LRRC4C: variants seen among roughly 807,000 people sequenced by gnomAD.
LRRC4C encodes leucine-rich repeat-containing protein 4C.
A neutral mutation model predicts 33.6 loss-of-function variants in LRRC4C; 5 were observed. The observed-to-expected ratio is 0.15, with a 90% CI of 0.08 to 0.31. The LOEUF (loss-of-function observed/expected upper bound fraction) is 0.31. Ranked by LOEUF, LRRC4C falls within the 10% of genes least tolerant of loss-of-function variation. LRRC4C has a pLI of 1.00. For missense variants in LRRC4C, 560 were observed against 796.7 expected (o/e 0.70, Z 3.58); for synonymous variants, 329 against 302.0 (o/e 1.09, Z -0.93).
At chr11:40,962,143 A>C (rs1851020417) in intron 1 of LRRC4C, among the ~76,000 whole-genome samples, 1 of 151,636 alleles carries the variant, frequency 6.6e-6, no homozygotes, top group Non-Finnish European at 1.5e-5. Flanking sequence ...TGATTAAGAT[A>C]ACAAGGGCAC....
At position 40,450,121 on chromosome 11, in the gene LRRC4C, G is replaced by A. The variant is rs188038800; in HGVS notation, c.-269-130400C>T. Among the ~76,000 whole-genome samples the A allele has an allele frequency of 3.3e-5, 5 of 152,014 alleles. No homozygotes were observed. The East Asian group carries it at 9.7e-4, about 29-fold the overall frequency. On this transcript the variant is annotated intron_variant, in intron 3 of 6. Coordinates refer to ENST00000528697, the MANE Select transcript of LRRC4C (RefSeq NM_001258419.2). ...ATAGCAATCCCTCATTATTATATGGGCAGGTATAGGGCAAAGGTCATGAAG... is the reference window on the plus strand; with the variant it reads ...ATAGCAATCCCTCATTATTATATGGACAGGTATAGGGCAAAGGTCATGAAG...
chr11:40,556,305 T>C (rs1440420645), intron 3 of LRRC4C, among the ~76,000 whole-genome samples: 1 of 152,236 alleles, frequency 6.6e-6, no homozygotes, highest in African/African-American at 2.4e-5. Flanking sequence ...GGCTGTAGCT[T>C]TCCTACCAAG....
At chr11:40,696,770 A>ATG (rs1565646084) in intron 2 of LRRC4C, among the ~76,000 whole-genome samples, 35 of 144,632 alleles carry the variant, frequency 2.4e-4, no homozygotes, top group East Asian at 2.2e-3. Flanking sequence ...ATATATATAT[A>ATG]TATATCTGAG....
chr11:40,416,785 A>C (rs1950338967), intron 3 of LRRC4C, among the ~76,000 whole-genome samples: 2 of 152,204 alleles, frequency 1.3e-5, no homozygotes, highest in South Asian at 4.1e-4. Context: ...AACAGTCATA[A>C]ATGGACCACT....
At chr11:40,930,509 T>C (rs1957574418) in intron 2 of LRRC4C, among the ~76,000 whole-genome samples, 1 of 152,152 alleles carries the variant, frequency 6.6e-6, no homozygotes, top group Non-Finnish European at 1.5e-5. Flanking sequence ...GCAGACATGG[T>C]TTCAAGGCTT....
At chr11:40,249,979 C>T (rs1484374887) in intron 4 of LRRC4C, among the ~76,000 whole-genome samples, 1 of 145,452 alleles carries the variant, frequency 6.9e-6, no homozygotes, top group East Asian at 2.0e-4. Flanking sequence ...CAAGTTAAGC[C>T]CTGGAGACTG....
rs145670693 is a variant in LRRC4C, at chr11:40,911,269, C to T, written c.-407+22366G>A. On this transcript the variant is annotated intron_variant, in intron 2 of 6. Transcript: ENST00000528697. ...CGTCCTCAAGAGGGTCCCTGAACCC[C>T]GAGTAGCCCAACTGGGAGGCACCCC... Among the ~76,000 whole-genome samples, 497 of 152,232 alleles carry T rather than the reference C, an allele frequency of 3.3e-3. 3 individuals carry two copies. Among genetic ancestry groups the T allele is most frequent in the African/African-American group, 0.012 (480 of 41,546 alleles).
chr11:40,759,379 T>C (rs1183689371), intron 2 of LRRC4C, among the ~76,000 whole-genome samples: 1 of 149,760 alleles, frequency 6.7e-6, no homozygotes, highest in African/African-American at 2.4e-5. Flanking sequence ...AGTGGTTATG[T>C]GAGTAAAAAT....
intron 3 of LRRC4C, among the ~76,000 whole-genome samples, chr11:40,327,466 T>A (rs764334729): frequency 1.6e-4 from 24 of 152,198 alleles, no homozygotes; most frequent in Non-Finnish European, 2.2e-4. Context: ...CAGAAAGAAG[T>A]TGCTGTTAAT....
chr11:40,225,691 A>G (rs1381331399), intron 5 of LRRC4C, among the ~76,000 whole-genome samples: 1 of 148,990 alleles, frequency 6.7e-6, no homozygotes, highest in Non-Finnish European at 1.5e-5. Flanking sequence ...ATCTCGGCTC[A>G]CAGCAACTTC....
At chr11:40,379,851 A>G (rs550967695) in intron 3 of LRRC4C, among the ~76,000 whole-genome samples, 1 of 152,220 alleles carries the variant, frequency 6.6e-6, no homozygotes, top group Non-Finnish European at 1.5e-5. Context: ...ATCACCTGGG[A>G]ATTTGTTGGA....
chr11:40,311,066 T>C (rs181909465), intron 4 of LRRC4C, among the ~76,000 whole-genome samples: 3 of 152,364 alleles, frequency 2.0e-5, no homozygotes, highest in South Asian at 4.1e-4. Flanking sequence ...CTCCATATTC[T>C]GTGCAACCAT....
At chr11:40,272,694 G>A (rs928805606) in intron 4 of LRRC4C, among the ~76,000 whole-genome samples, 15 of 152,110 alleles carry the variant, frequency 9.9e-5, no homozygotes, top group South Asian at 2.1e-4. Context: ...TTGCTAGTGC[G>A]AAATGATAAT....
intron 4 of LRRC4C, among the ~76,000 whole-genome samples, chr11:40,271,716 T>C (rs973702118): frequency 2.6e-5 from 4 of 152,178 alleles, no homozygotes. Flanking sequence ...TGTAGACCCC[T>C]GTCTACCGAT....
At chr11:40,360,796 A>G (rs1947912989) in intron 3 of LRRC4C, among the ~76,000 whole-genome samples, 1 of 152,208 alleles carries the variant, frequency 6.6e-6, no homozygotes, top group Non-Finnish European at 1.5e-5. Flanking sequence ...AACACAACAA[A>G]AAAAGAAAAG....
intron 5 of LRRC4C, among the ~76,000 whole-genome samples, chr11:40,191,396 C>A (rs1861831115): frequency 6.6e-6 from 1 of 152,174 alleles, no homozygotes; most frequent in East Asian, 1.9e-4. Flanking sequence ...TCTAAACATG[C>A]AAATAATATA....
chr11:40,665,039 C>A lies in LRRC4C; in HGVS notation c.-406-16761G>T, dbSNP rs193297874. On this transcript the variant is annotated intron_variant, in intron 2 of 6. Coordinates refer to ENST00000528697, the MANE Select transcript of LRRC4C (RefSeq NM_001258419.2). ...AAAATGCGGTGTTTGGTTTTTTGTC[C>A]TTGCGGTAGTTTGCTGAGAATGATG... is the stretch of plus-strand genomic sequence containing the variant. Among the ~76,000 whole-genome samples the A allele has an allele frequency of 3.7e-3, 554 of 150,382 alleles. 2 individuals carry two copies. Among genetic ancestry groups the A allele is most frequent in the Non-Finnish European group, 6.1e-3 (411 of 67,782 alleles).
chr11:41,066,533 C>G (rs1436382034), intron 1 of LRRC4C, among the ~76,000 whole-genome samples: 2 of 152,140 alleles, frequency 1.3e-5, no homozygotes, highest in Non-Finnish European at 2.9e-5. Flanking sequence ...CCTAGCAAGA[C>G]AGGCCAACAT....
chr11:40,384,221 T>C (rs560316658), intron 3 of LRRC4C, among the ~76,000 whole-genome samples: 5 of 152,188 alleles, frequency 3.3e-5, no homozygotes, highest in Admixed American at 6.5e-5. Flanking sequence ...GTATCTTTGC[T>C]TTATAGTGGT....
Sources: gnomAD v4.1 joint callset for allele counts (sites outside exome capture counted in the v4.1 genomes callset) on GRCh38, gnomAD v4.1.1 for gene constraint, MANE v1.5 for transcripts, NCBI Gene and HGNC (gene_info 2026-07-23, HGNC 2026-07-21) for gene names.